Variants in SLC16A9 observed in about 807,000 individuals in gnomAD.
SLC16A9 encodes the protein monocarboxylate transporter 9.
In SLC16A9, 26 loss-of-function variants were observed where a neutral mutation model predicts 44.3. That is an observed-to-expected ratio of 0.59 (90% CI 0.43 to 0.81). The LOEUF (loss-of-function observed/expected upper bound fraction) is 0.81, where lower values mean the gene tolerates loss of function less well. SLC16A9 is among the 40% of genes least tolerant of loss of function. The probability of loss-of-function intolerance (pLI) is 0.00; values close to 1 mark genes in which losing one functional copy is unlikely to be tolerated. For synonymous variants in SLC16A9, 230 were observed against 225.1 expected, an observed-to-expected ratio of 1.02 and a Z score of -0.19; for missense variants, 559 against 595.8, an observed-to-expected ratio of 0.94 and a Z score of 0.64.
intron 3 of SLC16A9, among the ~76,000 whole-genome samples, 166 bp downstream of exon 3, chr10:59,672,604 C>A (rs1839774736): frequency 6.6e-6 from 1 of 152,076 alleles, no homozygotes; most frequent in South Asian, 2.1e-4. Context: ...ATTCACTGGG[C>A]AGGTTTTTTT....
chr10:59,685,551 A>C (rs1840112593), intron 1 of SLC16A9, among the ~76,000 whole-genome samples: 1 of 152,210 alleles, frequency 6.6e-6, no homozygotes, highest in Non-Finnish European at 1.5e-5. Flanking sequence ...AAATATCTGG[A>C]AGATCTTCCA....
rs566414774 is a variant in SLC16A9 at position 59,707,417 on chromosome 10, C to T, written c.-37+2062G>A. ...AGAGAATAGAGTAGAACCCTGGTTACCAGTAGGTAGGGTTGGGGTGAAGAG... is the reference window on the plus strand; with the variant it reads ...AGAGAATAGAGTAGAACCCTGGTTATCAGTAGGTAGGGTTGGGGTGAAGAG... On this transcript the variant is annotated intron_variant, in intron 1 of 5. Coordinates refer to ENST00000395348, the MANE Select transcript of SLC16A9 (RefSeq NM_194298.3). 2.6e-5 allele frequency among the ~76,000 whole-genome samples: 4 copies of T among 151,024 alleles called. No homozygotes were observed. The South Asian group carries it at 8.4e-4, about 32-fold the overall frequency.
chr10:59,695,161 G>A (rs893493602), intron 1 of SLC16A9, among the ~76,000 whole-genome samples: 4 of 152,044 alleles, frequency 2.6e-5, no homozygotes, highest in African/African-American at 9.7e-5. Flanking sequence ...AGGTTTTGGG[G>A]TAGGGAGAAA....
intron 1 of SLC16A9, among the ~76,000 whole-genome samples, chr10:59,694,566 C>T (rs1292834332): frequency 6.6e-6 from 1 of 151,222 alleles, no homozygotes; most frequent in African/African-American, 2.4e-5. Flanking sequence ...TTTGGGAGGC[C>T]AAGGTGGGTG....
chr10:59,657,228 G>A (rs13377087), intron 4 of SLC16A9, among the ~76,000 whole-genome samples: 4,486 of 152,104 alleles, frequency 0.029, 211 homozygotes, highest in African/African-American at 0.1. Flanking sequence ...ATTTAAAAAT[G>A]TAAAAACCAA....
At chr10:59,704,604 T>C (rs1388682695) in intron 1 of SLC16A9, among the ~76,000 whole-genome samples, 1 of 152,166 alleles carries the variant, frequency 6.6e-6, no homozygotes, top group Non-Finnish European at 1.5e-5. Context: ...AAAATAAAGA[T>C]GTAACAGTTA....
Position 59,672,927 on chromosome 10 carries a change from T to A in SLC16A9, c.197-14A>T. The stretch of plus-strand genomic sequence containing the variant: ...TGCAGACAGGACCTAAAAAAAGAAA[T>A]GAAACCTTCACTTATTATCATATGA... On this transcript the variant is annotated splice_polypyrimidine_tract_variant and intron_variant, in intron 2 of 5. Transcript: ENST00000395348. The A allele has an allele frequency of 1.9e-6, 3 of 1,595,398 alleles. No homozygotes were observed. The highest frequency in any genetic ancestry group is 1.7e-6 in the Non-Finnish European group (2 of 1,174,418).
Position 59,653,808 on chromosome 10 carries a change from C to A in SLC16A9, c.1218G>T (p.Gly406=). ...VTLALLSGIL[G]FLTGNWSIFP... ...AGATGGACCAATTACCAGTAAGAAA[C>A]CCTAGGATCCCAGAAAGCAACGCCA... The change falls in exon 5 of 6, where the codon GGG becomes GGT. Residue 406 remains glycine (G), a synonymous_variant. Transcript: ENST00000395348. 3 of 1,614,086 alleles carry A rather than the reference C, an allele frequency of 1.9e-6. No homozygotes were observed. The highest frequency in any genetic ancestry group is 1.1e-5 in the South Asian group (1 of 91,076).
chr10:59,676,857 A>C (rs1288921288), intron 2 of SLC16A9, among the ~76,000 whole-genome samples: 1 of 145,968 alleles, frequency 6.9e-6, no homozygotes, highest in Admixed American at 7.0e-5. Flanking sequence ...GGGAAGGTGG[A>C]GGTTGCAGTG....
chr10:59,701,758 A>G (rs942523608), intron 1 of SLC16A9, among the ~76,000 whole-genome samples: 2 of 152,120 alleles, frequency 1.3e-5, no homozygotes, highest in African/African-American at 4.8e-5. Context: ...CATTTTAGCT[A>G]TGCTCCCTCC....
At chr10:59,702,445 C>T (rs1840545336) in intron 1 of SLC16A9, among the ~76,000 whole-genome samples, 1 of 152,172 alleles carries the variant, frequency 6.6e-6, no homozygotes, top group African/African-American at 2.4e-5. Context: ...GGGGCTAGGA[C>T]AAGGGCAAAT....
chr10:59,709,244 G>C (rs1803167829), intron 1 of SLC16A9, among the ~76,000 whole-genome samples: 1 of 151,944 alleles, frequency 6.6e-6, no homozygotes, highest in Middle Eastern at 3.2e-3. Flanking sequence ...TCGGATTCCC[G>C]GGAAAACTTG....
At chr10:59,691,422 A>T (rs952726878) in intron 1 of SLC16A9, among the ~76,000 whole-genome samples, 3 of 152,188 alleles carry the variant, frequency 2.0e-5, no homozygotes, top group Middle Eastern at 3.2e-3. Flanking sequence ...AGTTTCACAG[A>T]ATTAATTTGA....
intron 1 of SLC16A9, among the ~76,000 whole-genome samples, chr10:59,687,127 A>G (rs1476748385): frequency 6.6e-6 from 1 of 151,774 alleles, no homozygotes; most frequent in Non-Finnish European, 1.5e-5. Context: ...CTGGTCTTGA[A>G]CCCCTGACCT....
At chr10:59,664,879 G>A (rs1387293702) in intron 3 of SLC16A9, among the ~76,000 whole-genome samples, 1 of 152,076 alleles carries the variant, frequency 6.6e-6, no homozygotes, top group Non-Finnish European at 1.5e-5. Flanking sequence ...TCTTTTAGAG[G>A]TGCATATTAC....
intron 1 of SLC16A9, among the ~76,000 whole-genome samples, chr10:59,686,364 T>A (rs1318077212): frequency 6.6e-6 from 1 of 152,230 alleles, no homozygotes; most frequent in Non-Finnish European, 1.5e-5. Context: ...AGAAATCAGA[T>A]GATGCTTTCA....
chr10:59,694,833 CAT>C (rs3043432), intron 1 of SLC16A9, among the ~76,000 whole-genome samples: 1 of 100,096 alleles, frequency 1.0e-5, no homozygotes, highest in Admixed American at 1.0e-4. Context: ...CACACACACA[CAT>C]ATATATACAC....
chr10:59,700,600 G>A (rs1485407953), intron 1 of SLC16A9, among the ~76,000 whole-genome samples: 2 of 152,210 alleles, frequency 1.3e-5, no homozygotes, highest in African/African-American at 2.4e-5. Flanking sequence ...ATGAAGCACA[G>A]GCACGGAGCT....
intron 3 of SLC16A9, among the ~76,000 whole-genome samples, chr10:59,672,182 A>T (rs1399668869): frequency 6.6e-6 from 1 of 152,090 alleles, no homozygotes; most frequent in Non-Finnish European, 1.5e-5. Context: ...AATTTTCAGT[A>T]CTCTAAGGCC....
Sources: gnomAD v4.1 joint callset for allele counts (sites outside exome capture counted in the v4.1 genomes callset) on GRCh38, gnomAD v4.1.1 for gene constraint, MANE v1.5 for transcripts, NCBI Gene and HGNC (gene_info 2026-07-23, HGNC 2026-07-21) for gene names.